The following HIBADH variants were observed in gnomAD, a reference collection of about 807,000 sequenced individuals.
The protein encoded by HIBADH is 3-hydroxyisobutyrate dehydrogenase, mitochondrial.
A neutral mutation model predicts 36.1 loss-of-function variants in HIBADH; 25 were observed. The observed-to-expected ratio is 0.69, with a 90% CI of 0.50 to 0.97. HIBADH has a LOEUF of 0.97. Ranked by LOEUF, HIBADH falls within the 50% of genes least tolerant of loss-of-function variation. The pLI, the probability that HIBADH is intolerant of heterozygous loss-of-function variation, is 0.00. For missense variants in HIBADH, 421 were observed against 418.0 expected, an observed-to-expected ratio of 1.01 and a Z score of -0.06; for synonymous variants, 160 against 149.5, an observed-to-expected ratio of 1.07 and a Z score of -0.51.
chr7:27,631,091 C>A (rs1218106711), intron 3 of HIBADH, among the ~76,000 whole-genome samples: 1 of 152,158 alleles, frequency 6.6e-6, no homozygotes, highest in Non-Finnish European at 1.5e-5. Flanking sequence ...CTCCCTGGAC[C>A]AAACTGTTCT....
At chr7:27,653,274 A>T (rs6943883) in intron 1 of HIBADH, among the ~76,000 whole-genome samples, 121,287 of 152,200 alleles carry the variant, frequency 0.8, 48,764 homozygotes, top group East Asian at 0.97. Flanking sequence ...TAAAAGGATA[A>T]AACAATGGAT....
intron 4 of HIBADH, among the ~76,000 whole-genome samples, chr7:27,592,412 C>G (rs1332693969): frequency 1.3e-5 from 2 of 152,040 alleles, no homozygotes; most frequent in African/African-American, 4.8e-5. Flanking sequence ...ATTTTTAGGT[C>G]AGAAACCAAA....
At chr7:27,573,567 A>C (rs887328911) in intron 4 of HIBADH, among the ~76,000 whole-genome samples, 17 of 152,216 alleles carry the variant, frequency 1.1e-4, no homozygotes, top group African/African-American at 4.1e-4. Context: ...AAGTATAGGA[A>C]AAAAGGAACG....
intron 7 of HIBADH, among the ~76,000 whole-genome samples, chr7:27,527,918 G>GTTTTTTTTTTTT (rs746260280): frequency 4.9e-5 from 3 of 61,702 alleles, no homozygotes; most frequent in East Asian, 6.1e-4. Context: ...CACACCCAGC[G>GTTTTTTTTTTTT]TTTTTTTTTT....
chr7:27,576,359 A>G (rs17155494), intron 4 of HIBADH, among the ~76,000 whole-genome samples: 6,834 of 152,320 alleles, frequency 0.045, 489 homozygotes, highest in African/African-American at 0.16. Context: ...GAGGGCCAAC[A>G]TCAGAGAAAT....
At chr7:27,578,341 A>C (rs144041402) in intron 4 of HIBADH, among the ~76,000 whole-genome samples, 5 of 149,734 alleles carry the variant, frequency 3.3e-5, no homozygotes, top group African/African-American at 7.4e-5. Flanking sequence ...TTTTTGAGAC[A>C]GTTTCGCTTT....
intron 4 of HIBADH, among the ~76,000 whole-genome samples, chr7:27,601,138 C>T (rs774895234): frequency 9.2e-5 from 14 of 151,896 alleles, no homozygotes; most frequent in African/African-American, 1.2e-4. Flanking sequence ...GAGTATGGGC[C>T]GGTTGATTGG....
chr7:27,646,097 G>A (rs1268363391), intron 2 of HIBADH, among the ~76,000 whole-genome samples: 1 of 152,016 alleles, frequency 6.6e-6, no homozygotes, highest in Admixed American at 6.6e-5. Flanking sequence ...TGGGGGTTGG[G>A]GAGGTGGGCC....
intron 4 of HIBADH, among the ~76,000 whole-genome samples, chr7:27,593,815 G>C (rs1784982009): frequency 6.6e-6 from 1 of 151,812 alleles, no homozygotes; most frequent in Non-Finnish European, 1.5e-5. Context: ...AATTCAAAAA[G>C]GAAGTAGAGT....
At chr7:27,660,443 C>T (rs560583621) in intron 1 of HIBADH, among the ~76,000 whole-genome samples, 1 of 152,338 alleles carries the variant, frequency 6.6e-6, no homozygotes, top group African/African-American at 2.4e-5. Flanking sequence ...GCGGGCGGAT[C>T]ACGAGGTCAA....
intron 4 of HIBADH, among the ~76,000 whole-genome samples, chr7:27,601,092 A>C (rs1206299342): frequency 6.6e-6 from 1 of 152,126 alleles, no homozygotes; most frequent in African/African-American, 2.4e-5. Flanking sequence ...CCTTCAATGA[A>C]ACCTATGTAT....
intron 4 of HIBADH, among the ~76,000 whole-genome samples, chr7:27,555,940 C>T (rs1442359035): frequency 2.0e-5 from 3 of 152,076 alleles, no homozygotes; most frequent in Admixed American, 6.6e-5. Flanking sequence ...CATTTCTTTC[C>T]TTGCCCTTTC....
chr7:27,661,020 G>A (rs1236233163), intron 1 of HIBADH, among the ~76,000 whole-genome samples: 1 of 152,190 alleles, frequency 6.6e-6, no homozygotes, highest in Non-Finnish European at 1.5e-5. Context: ...GGAACTGAAA[G>A]AATTGTGAAT....
chr7:27,648,790 T>C (rs1213591032), intron 2 of HIBADH, among the ~76,000 whole-genome samples: 1 of 152,236 alleles, frequency 6.6e-6, no homozygotes, highest in Non-Finnish European at 1.5e-5. Flanking sequence ...CAAAATTCTT[T>C]AAACATGAAT....
chr7:27,627,776 T>C (rs992490526), intron 4 of HIBADH, among the ~76,000 whole-genome samples: 7 of 152,188 alleles, frequency 4.6e-5, no homozygotes, highest in Admixed American at 2.6e-4. Flanking sequence ...ACAAAGCTTT[T>C]AATCTACTAC....
chr7:27,635,731 G>A (rs1271642542), intron 2 of HIBADH, among the ~76,000 whole-genome samples: 1 of 152,194 alleles, frequency 6.6e-6, no homozygotes, highest in African/African-American at 2.4e-5. Context: ...CCATAACTGG[G>A]GATGGTCATT....
Position 27,526,058 on chromosome 7 carries a change from G to A in HIBADH, c.*156C>T. ...AATATGTTTGTTAAAAAGACAAAAAGAATAAGCGGTGAAAAATCCTAGGGA... is the reference window on the plus strand; with the variant it reads ...AATATGTTTGTTAAAAAGACAAAAAAAATAAGCGGTGAAAAATCCTAGGGA... On this transcript the variant is annotated 3_prime_UTR_variant, in exon 8 of 8. Transcript: ENST00000265395. 1.9e-6 allele frequency: 1 copy of A among 539,996 alleles called. No individual in the cohort carries two copies. The highest frequency in any genetic ancestry group is 6.3e-5 in the South Asian group (1 of 15,986). 33.5% of individuals were successfully genotyped at this position (539,996 alleles called of 1,614,324 possible). A position where few individuals can be genotyped will look rare whatever the true frequency, so the allele number is the denominator to read the frequency against.
intron 1 of HIBADH, 54 bp from the exon 2 acceptor site, chr7:27,649,687 C>A (rs1786143580): frequency 7.0e-7 from 1 of 1,421,532 alleles, no homozygotes. Context: ...TTATTGTAAA[C>A]ATTCATTTAA....
chr7:27,630,730 G>A (rs539176023), intron 3 of HIBADH, among the ~76,000 whole-genome samples: 1 of 151,920 alleles, frequency 6.6e-6, no homozygotes, highest in East Asian at 1.9e-4. Flanking sequence ...GCAAGACCTC[G>A]TCTAAAATAA....
Sources: allele counts gnomAD v4.1 joint callset (sites outside exome capture counted in the v4.1 genomes callset), GRCh38; gene constraint gnomAD v4.1.1; transcripts MANE v1.5; gene names NCBI Gene and HGNC (gene_info 2026-07-23, HGNC 2026-07-21).